Variants in ANKS1B observed in about 807,000 individuals in gnomAD.
ANKS1B encodes ankyrin repeat and sterile alpha motif domain containing 1B.
Under a neutral mutation model 148.3 loss-of-function variants are expected in ANKS1B, and 36 were observed. The ratio of observed to expected loss-of-function variants is 0.24; its 90% confidence interval spans 0.19 to 0.32. The LOEUF (loss-of-function observed/expected upper bound fraction) is 0.32, where lower values mean the gene tolerates loss of function less well. Among genes scored for constraint, ANKS1B ranks in the 10% least tolerant of loss-of-function variants. The pLI, the probability that ANKS1B is intolerant of heterozygous loss-of-function variation, is 1.00. For synonymous variants in ANKS1B, 542 were observed against 560.8 expected, an observed-to-expected ratio of 0.97 and a Z score of 0.47; for missense variants, 1,157 against 1,542.6, an observed-to-expected ratio of 0.75 and a Z score of 4.19.
At chr12:99,392,445 A>C (rs2094108035) in intron 12 of ANKS1B, among the ~76,000 whole-genome samples, 1 of 152,252 alleles carries the variant, frequency 6.6e-6, no homozygotes, top group Non-Finnish European at 1.5e-5. Context: ...ACTTGGAAAG[A>C]AGCACTTTTC....
At chr12:99,972,110 C>T (rs1445376909) in intron 1 of ANKS1B, among the ~76,000 whole-genome samples, 3 of 152,180 alleles carry the variant, frequency 2.0e-5, no homozygotes, top group African/African-American at 7.2e-5. Context: ...ACCAACTGGC[C>T]ATTCCATCTC....
intron 17 of ANKS1B, among the ~76,000 whole-genome samples, chr12:98,970,548 C>A (rs747964143): frequency 1.1e-4 from 16 of 152,174 alleles, no homozygotes; most frequent in Non-Finnish European, 2.4e-4. Context: ...AACTTCCACT[C>A]CTTTAAATGT....
chr12:99,904,559 G>A (rs2093714835), intron 1 of ANKS1B, among the ~76,000 whole-genome samples: 1 of 152,100 alleles, frequency 6.6e-6, no homozygotes, highest in African/African-American at 2.4e-5. Context: ...ATTCTTATTA[G>A]CATAAGGACT....
rs149751430 is a variant in ANKS1B at position 98,887,268 on chromosome 12, T to C, written c.2779-55132A>G. Among the ~76,000 whole-genome samples the C allele has an allele frequency of 1.1e-3, 163 of 152,324 alleles. 2 individuals are homozygous for C. The East Asian group carries it at 0.018, about 17-fold the overall frequency. On this transcript the variant is annotated intron_variant, in intron 17 of 26. Coordinates refer to ENST00000683438, the MANE Select transcript of ANKS1B (RefSeq NM_001352186.2). ...TAAAAATGTGATTCCAACTCTGAGG[T>C]GGATTTACTGTTAACGCTAAGGAAG...
chr12:99,315,349 G>T (rs2083873999), intron 12 of ANKS1B, among the ~76,000 whole-genome samples: 1 of 151,120 alleles, frequency 6.6e-6, no homozygotes, highest in Non-Finnish European at 1.5e-5. Context: ...AAAGTTAAAG[G>T]AACTTAAACA....
chr12:99,552,120 G>T (rs901155406), intron 9 of ANKS1B, among the ~76,000 whole-genome samples: 3 of 148,392 alleles, frequency 2.0e-5, no homozygotes, highest in Admixed American at 2.0e-4. Flanking sequence ...GTTCCTGTAG[G>T]ACTCAGTTTT....
At chr12:99,613,144 T>C (rs142085067) in intron 9 of ANKS1B, among the ~76,000 whole-genome samples, 1 of 152,230 alleles carries the variant, frequency 6.6e-6, no homozygotes, top group African/African-American at 2.4e-5. Flanking sequence ...TCAAGTAATT[T>C]CTATTGTTGA....
intron 17 of ANKS1B, among the ~76,000 whole-genome samples, chr12:98,904,739 C>T (rs766562441): frequency 2.6e-5 from 4 of 152,122 alleles, no homozygotes; most frequent in Non-Finnish European, 4.4e-5. Flanking sequence ...AAGAGAAGTG[C>T]ATTCCAGTGG....
At chr12:99,570,501 G>A (rs11109925) in intron 9 of ANKS1B, among the ~76,000 whole-genome samples, 21,109 of 152,090 alleles carry the variant, frequency 0.14, 1,666 homozygotes, top group Non-Finnish European at 0.17. Context: ...CAAAAAATTA[G>A]CTGGGCATGG....
intron 8 of ANKS1B, among the ~76,000 whole-genome samples, chr12:99,656,121 T>C (rs1377109390): frequency 1.3e-5 from 2 of 152,180 alleles, no homozygotes; most frequent in Non-Finnish European, 2.9e-5. Flanking sequence ...AAAAGGATTA[T>C]GAATTCTAAG....
chr12:98,886,279 T>C (rs2099739905), intron 17 of ANKS1B, among the ~76,000 whole-genome samples: 1 of 152,198 alleles, frequency 6.6e-6, no homozygotes, highest in South Asian at 2.1e-4. Flanking sequence ...CTAAAGATCA[T>C]AATTTTAGAA....
chr12:99,944,048 C>G (rs1479110637), intron 1 of ANKS1B, among the ~76,000 whole-genome samples: 1 of 151,780 alleles, frequency 6.6e-6, no homozygotes, highest in Admixed American at 6.6e-5. Flanking sequence ...TCCTATAAAT[C>G]CTTTCCCCAC....
At chr12:99,126,218 G>A (rs2064297776) in intron 15 of ANKS1B, among the ~76,000 whole-genome samples, 1 of 152,074 alleles carries the variant, frequency 6.6e-6, no homozygotes, top group East Asian at 1.9e-4. Flanking sequence ...CTAGGTATCT[G>A]CTTTTAGGTT....
chr12:99,312,244 G>T (rs1307819291), intron 12 of ANKS1B, among the ~76,000 whole-genome samples: 1 of 152,148 alleles, frequency 6.6e-6, no homozygotes, highest in Non-Finnish European at 1.5e-5. Flanking sequence ...TGTCGGAAGT[G>T]CTGGCTAATT....
intron 14 of ANKS1B, among the ~76,000 whole-genome samples, chr12:99,237,121 C>A (rs1601933272): frequency 6.6e-6 from 1 of 152,102 alleles, no homozygotes; most frequent in Admixed American, 6.5e-5. Context: ...AAGAAAATTG[C>A]AAGGATGGTA....
chr12:99,029,741 C>T (rs904876853), intron 17 of ANKS1B, among the ~76,000 whole-genome samples: 9 of 152,288 alleles, frequency 5.9e-5, no homozygotes, highest in Admixed American at 3.3e-4. Context: ...TTACACGTGA[C>T]GTAAAGAAGA....
intron 8 of ANKS1B, among the ~76,000 whole-genome samples, chr12:99,682,160 T>C (rs1487626847): frequency 6.6e-6 from 1 of 152,188 alleles, no homozygotes; most frequent in Non-Finnish European, 1.5e-5. Flanking sequence ...ACAATATTAG[T>C]GGAGGACTTC....
chr12:98,752,362 G>A (rs567955977), intron 25 of ANKS1B, among the ~76,000 whole-genome samples: 4 of 151,958 alleles, frequency 2.6e-5, no homozygotes, highest in Non-Finnish European at 4.4e-5. Flanking sequence ...GGGTTCAAGC[G>A]ATTCTCTTGC....
chr12:99,488,439 T>C (rs1283798044), intron 10 of ANKS1B, among the ~76,000 whole-genome samples: 1 of 152,206 alleles, frequency 6.6e-6, no homozygotes, highest in East Asian at 1.9e-4. Context: ...GTTTCGAAGA[T>C]ATATTTTCCT....
Sources: gnomAD v4.1 joint callset for allele counts (sites outside exome capture counted in the v4.1 genomes callset) on GRCh38, gnomAD v4.1.1 for gene constraint, MANE v1.5 for transcripts, NCBI Gene and HGNC (gene_info 2026-07-23, HGNC 2026-07-21) for gene names.